The following CD96 variants were observed in gnomAD, a reference collection of about 807,000 sequenced individuals.
CD96 encodes the protein CD96 molecule.
A neutral mutation model predicts 71.3 loss-of-function variants in CD96; 70 were observed. The ratio of observed to expected loss-of-function variants is 0.98; its 90% CI spans 0.81 to 1.20. The LOEUF is 1.20. Among genes scored for constraint, CD96 ranks in the 50% most tolerant of loss-of-function variants. CD96 has a pLI of 0.00. For missense variants in CD96, 742 were observed against 677.5 expected, an observed-to-expected ratio of 1.10 and a Z score of -1.06; for synonymous variants, 248 against 233.0, an observed-to-expected ratio of 1.06 and a Z score of -0.59.
At chr3:111,662,323 C>G (rs1940378550) in intron 14 of CD96, among the ~76,000 whole-genome samples, 1 of 152,232 alleles carries the variant, frequency 6.6e-6, no homozygotes, top group African/African-American at 2.4e-5. Flanking sequence ...CTCTGAAATG[C>G]CTTGGAGGCA....
intron 2 of CD96, among the ~76,000 whole-genome samples, chr3:111,566,497 T>A (rs1052361606): frequency 5.9e-5 from 9 of 152,162 alleles, no homozygotes; most frequent in Non-Finnish European, 1.3e-4. Context: ...TAACAACATA[T>A]ATAACATTCA....
chr3:111,563,819 G>T (rs1251787609), intron 2 of CD96, among the ~76,000 whole-genome samples: 1 of 152,144 alleles, frequency 6.6e-6, no homozygotes, highest in African/African-American at 2.4e-5. Flanking sequence ...TTATGTAAAT[G>T]CATCTCCAGT....
rs1940318482 is a variant in CD96, at chr3:111,660,009, G to T, written c.*53-5518G>T. On this transcript the variant is annotated intron_variant and NMD_transcript_variant, in intron 14 of 14. Coordinates refer to the CD96 transcript ENST00000494798. ...TCTCACCACTCCTGTTATACATAGT[G>T]CTGGAAGTCCTAGCCAGAGCAATCA... Among the ~76,000 whole-genome samples, 8 of 152,278 alleles carry T rather than the reference G, an allele frequency of 5.3e-5. No homozygotes were observed. The South Asian group carries it at 1.7e-3, about 32-fold the overall frequency.
chr3:111,611,172 A>G (rs754963546), intron 8 of CD96, among the ~76,000 whole-genome samples: 3 of 152,102 alleles, frequency 2.0e-5, no homozygotes, highest in Non-Finnish European at 4.4e-5. Context: ...GGTCCTCACT[A>G]TCTGGGTCTT....
At chr3:111,586,137 T>C (rs1936702405) in intron 5 of CD96, among the ~76,000 whole-genome samples, 1 of 152,252 alleles carries the variant, frequency 6.6e-6, no homozygotes, top group Admixed American at 6.5e-5. Context: ...ATTAAGTGTT[T>C]AATAAACATT....
intron 12 of CD96, among the ~76,000 whole-genome samples, chr3:111,642,427 C>A (rs565818230): frequency 8.3e-4 from 126 of 152,150 alleles, no homozygotes; most frequent in African/African-American, 2.7e-3. Context: ...AAAATACAAC[C>A]CACCCAGCTT....
intron 12 of CD96, among the ~76,000 whole-genome samples, chr3:111,645,273 A>T (rs1939776532): frequency 6.6e-6 from 1 of 152,154 alleles, no homozygotes; most frequent in Non-Finnish European, 1.5e-5. Flanking sequence ...CTCAGGAATG[A>T]AAAACCAAAC....
intron 14 of CD96, among the ~76,000 whole-genome samples, chr3:111,660,555 A>G (rs1247080367): frequency 1.3e-5 from 2 of 152,260 alleles, no homozygotes; most frequent in Non-Finnish European, 2.9e-5. Context: ...AAGGCTGAAT[A>G]GCCAAAGCAA....
chr3:111,581,170 G>A (rs1301221729), intron 4 of CD96, among the ~76,000 whole-genome samples: 2 of 151,998 alleles, frequency 1.3e-5, no homozygotes, highest in East Asian at 3.9e-4. Flanking sequence ...AGTCCTTTCG[G>A]TGGATGCTTA....
intron 10 of CD96, among the ~76,000 whole-genome samples, chr3:111,636,694 G>A (rs572445675): frequency 2.0e-5 from 3 of 152,326 alleles, no homozygotes; most frequent in Admixed American, 1.3e-4. Context: ...GTGACCCCAG[G>A]GGTCTGATAA....
In CD96 at chr3:111,566,932, T is replaced by C. The variant is rs550455864; in HGVS notation, c.419-591T>C. Among the ~76,000 whole-genome samples, 6 of 152,226 alleles carry C rather than the reference T, an allele frequency of 3.9e-5. No homozygotes were observed. In the East Asian group the frequency reaches 1.2e-3, roughly 29 times the overall value. On this transcript the variant is annotated intron_variant, in intron 2 of 13. Coordinates refer to ENST00000352690, the MANE Select transcript of CD96 (RefSeq NM_005816.5). ...GTCATTATACATTTGTCCAAACCCA[T>C]AGAATGTGCAAAATTAAGAGTAAAC... is the stretch of plus-strand genomic sequence containing the variant.
intron 3 of CD96, among the ~76,000 whole-genome samples, chr3:111,575,379 T>C (rs760076992): frequency 3.3e-5 from 5 of 152,236 alleles, no homozygotes; most frequent in Non-Finnish European, 7.3e-5. Flanking sequence ...GGAAAATCCA[T>C]GGTGAACAAA....
chr3:111,656,804 A>T (rs192657100), downstream of CD96, among the ~76,000 whole-genome samples: 735 of 152,286 alleles, frequency 4.8e-3, 4 homozygotes, highest in African/African-American at 0.015. Context: ...AGGAAAAATT[A>T]AAAAAATGAA....
intron 8 of CD96, among the ~76,000 whole-genome samples, chr3:111,609,426 T>C (rs1937793700): frequency 6.6e-6 from 1 of 152,052 alleles, no homozygotes; most frequent in Non-Finnish European, 1.5e-5. Flanking sequence ...GTAGGTGCTG[T>C]GAATACAGCA....
chr3:111,577,590 G>T, intron 3 of CD96: 1 of 1,301,148 alleles, frequency 7.7e-7, no homozygotes, highest in South Asian at 1.2e-5. Flanking sequence ...AGCAGAGTAT[G>T]ATTATTTGCA....
Position 111,545,310 on chromosome 3 carries a change from C to T in CD96, c.326C>T (p.Ser109Phe). The part of the protein sequence containing the change: ...SKWTLHLRNM[S>F]CSVSGRYECM... ...TGGACTCTGCACTTAAGGAATATGT[C>T]TTGTTCAGTCAGTGGAAGGTACGAG... Residue 109 changes from serine (S) to phenylalanine (F), a missense_variant, in exon 2 of 14, where the codon TCT becomes TTT. By Grantham distance (155) the Ser-to-Phe change is radical (BLOSUM62 -2). Transcript: ENST00000352690. 6.2e-7 allele frequency: 1 copy of T among 1,614,070 alleles called. No individual in the cohort carries two copies.
intron 10 of CD96, among the ~76,000 whole-genome samples, 200 bp downstream of exon 10, chr3:111,624,604 G>A (rs1472037247): frequency 6.6e-6 from 1 of 152,204 alleles, no homozygotes; most frequent in East Asian, 1.9e-4. Flanking sequence ...TTCTGATTAA[G>A]GGGAGACAGA....
chr3:111,619,764 G>C (rs1938429875), intron 8 of CD96, among the ~76,000 whole-genome samples: 1 of 152,200 alleles, frequency 6.6e-6, no homozygotes, highest in African/African-American at 2.4e-5. Flanking sequence ...GATATCAAGA[G>C]ACAGTCAGAC....
intron 10 of CD96, among the ~76,000 whole-genome samples, chr3:111,635,780 T>C (rs1353994427): frequency 2.0e-5 from 3 of 152,228 alleles, no homozygotes; most frequent in Admixed American, 1.3e-4. Flanking sequence ...TAAATTAATT[T>C]ATCCCATTCT....
Sources: allele counts gnomAD v4.1 joint callset (sites outside exome capture counted in the v4.1 genomes callset), GRCh38; gene constraint gnomAD v4.1.1; transcripts MANE v1.5; gene names NCBI Gene and HGNC (gene_info 2026-07-23, HGNC 2026-07-21).